NBEA: variants seen among roughly 807,000 people sequenced by gnomAD.
NBEA encodes neurobeachin.
In NBEA, 44 loss-of-function variants were observed where a neutral mutation model predicts 343.4. The ratio of observed to expected loss-of-function variants is 0.13; its 90% CI spans 0.10 to 0.16. The LOEUF is 0.16. NBEA is among the 10% of genes least tolerant of loss of function. NBEA has a pLI of 1.00. For synonymous variants in NBEA, 1,175 were observed against 1,238.7 expected (o/e 0.95, Z 1.08); for missense variants, 2,555 against 3,631.3 (o/e 0.70, Z 7.62).
At chr13:35,166,084 T>C (rs1367659534) in intron 24 of NBEA, among the ~76,000 whole-genome samples, 1 of 152,186 alleles carries the variant, frequency 6.6e-6, no homozygotes. Flanking sequence ...TTATAAATTA[T>C]CATTTGTTAT....
At chr13:35,282,520 G>A (rs377490740) in intron 34 of NBEA, among the ~76,000 whole-genome samples, 253 of 152,184 alleles carry the variant, frequency 1.7e-3, no homozygotes, top group Middle Eastern at 6.8e-3. Flanking sequence ...AGTGATACAG[G>A]AATAACAATT....
chr13:34,942,902 G>C lies in NBEA; in HGVS notation c.82G>C (p.Gly28Arg), dbSNP rs1439003926. The C allele has an allele frequency of 1.4e-6, 2 of 1,477,588 alleles. No individual in the cohort carries two copies. The highest frequency in any genetic ancestry group is 2.9e-5 in the African/African-American group (2 of 69,362). 91.5% of individuals were successfully genotyped at this position (1,477,588 alleles called of 1,614,324 possible). Residue 28 changes from glycine (G) to arginine (R), a missense_variant, in exon 1 of 59, where the codon GGC (glycine) becomes CGC (arginine). Coordinates refer to ENST00000379939, the MANE Select transcript of NBEA (RefSeq NM_001385012.1). ...GLIAVGAAGGGGGGSGGGGTG... is the reference protein window; with the variant it reads ...GLIAVGAAGGRGGGSGGGGTG... ...CATTGCCGTCGGGGCCGCTGGCGGA[G>C]GCGGCGGGGGCAGCGGTGGTGGCGG... is the stretch of plus-strand genomic sequence containing the variant.
At chr13:35,498,452 CACA>C (rs2076766503) in intron 41 of NBEA, among the ~76,000 whole-genome samples, 1 of 151,930 alleles carries the variant, frequency 6.6e-6, no homozygotes, top group Non-Finnish European at 1.5e-5. Flanking sequence ...GCTACTATAC[CACA>C]TGAGAGCATC....
rs757408774 is a variant in NBEA at position 35,649,814 on chromosome 13, C to T, written c.7930C>T (p.Leu2644Phe). The change falls in exon 52 of 59, where the codon CTC (leucine) becomes TTC (phenylalanine). Residue 2644 changes from leucine to phenylalanine, a missense_variant. Physicochemically the swap from Leu to Phe is conservative, Grantham distance 22 (BLOSUM62 0). Around this residue, in one of 21 missense-constraint regions of NBEA, gnomAD observed 61 missense variants for 132.1 expected, o/e 0.46. Transcript: ENST00000379939. ...AGTGGTGACAGTGACTTGCAGCCGACTCTTTGCAGTGAATAGATGGCACAA... is the reference window on the plus strand; with the variant it reads ...AGTGGTGACAGTGACTTGCAGCCGATTCTTTGCAGTGAATAGATGGCACAA... ...PAVVTVTCSR[L>F]FAVNRWHNTV... is the part of the protein sequence containing the mutation. 5 of 1,614,044 alleles carry T rather than the reference C, an allele frequency of 3.1e-6. No individual in the cohort carries two copies. The highest frequency in any genetic ancestry group is 4.2e-6 in the Non-Finnish European group (5 of 1,179,894).
intron 40 of NBEA, among the ~76,000 whole-genome samples, chr13:35,456,090 TG>T (rs2046568173): frequency 6.6e-6 from 1 of 152,086 alleles, no homozygotes; most frequent in African/African-American, 2.4e-5. Context: ...CAAATCAATC[TG>T]GTAAGTTAAA....
At chr13:35,074,843 A>C (rs2064043499) in intron 10 of NBEA, among the ~76,000 whole-genome samples, 1 of 152,124 alleles carries the variant, frequency 6.6e-6, no homozygotes, top group South Asian at 2.1e-4. Context: ...AAACGTACTA[A>C]TTATGAATCA....
At chr13:35,255,208 T>C (rs1171615963) in intron 34 of NBEA, among the ~76,000 whole-genome samples, 4 of 152,238 alleles carry the variant, frequency 2.6e-5, no homozygotes, top group Non-Finnish European at 4.4e-5. Context: ...TCACTAATTT[T>C]GGAATAAATA....
intron 38 of NBEA, among the ~76,000 whole-genome samples, chr13:35,414,983 GTGA>G (rs2043817440): frequency 6.6e-6 from 1 of 152,162 alleles, no homozygotes; most frequent in African/African-American, 2.4e-5. Flanking sequence ...CTGATGGCCA[GTGA>G]TGATGAGCAT....
At position 35,428,111 on chromosome 13, in the gene NBEA, G is replaced by T. The variant is rs189714566; in HGVS notation, c.6180-4158G>T. On this transcript the variant is annotated intron_variant, in intron 38 of 58. Coordinates refer to ENST00000379939, the MANE Select transcript of NBEA (RefSeq NM_001385012.1). ...TGAGGCAATGCCTCGCCCTGCTTTGGCTCGCACACGATCCGCTGCACCCAC... is the reference window on the plus strand; with the variant it reads ...TGAGGCAATGCCTCGCCCTGCTTTGTCTCGCACACGATCCGCTGCACCCAC... Among the ~76,000 whole-genome samples, 245 of 152,204 alleles carry T rather than the reference G, an allele frequency of 1.6e-3. 2 individuals are homozygous for T. Among genetic ancestry groups the T allele is most frequent in the Admixed American group, 4.1e-3 (62 of 15,296 alleles).
chr13:35,521,860 C>T (rs2077729707), intron 41 of NBEA, among the ~76,000 whole-genome samples: 1 of 152,116 alleles, frequency 6.6e-6, no homozygotes, highest in African/African-American at 2.4e-5. Flanking sequence ...TACATACATT[C>T]CAAAAAGTCT....
At position 35,107,316 on chromosome 13, in the gene NBEA, T is replaced by C. The variant is rs115180071; in HGVS notation, c.1681-1974T>C. The stretch of plus-strand genomic sequence containing the variant: ...AACTCAGCTATTTATTTAGATCATT[T>C]CCACCATCTTCTGTAAAATTTTCAT... On this transcript the variant is annotated intron_variant, in intron 11 of 58. Transcript: ENST00000379939. 9.0e-3 allele frequency among the ~76,000 whole-genome samples: 1,375 copies of C among 152,014 alleles called. 18 individuals carry two copies. The highest frequency in any genetic ancestry group is 0.031 in the African/African-American group (1,298 of 41,510).
At chr13:35,167,652 G>A (rs2070141744) in intron 24 of NBEA, among the ~76,000 whole-genome samples, 1 of 151,772 alleles carries the variant, frequency 6.6e-6, no homozygotes, top group South Asian at 2.1e-4. Flanking sequence ...AGACCTCTTA[G>A]TATGTAGTTT....
intron 1 of NBEA, among the ~76,000 whole-genome samples, chr13:34,977,577 G>A (rs1284019288): frequency 6.6e-6 from 1 of 152,138 alleles, no homozygotes; most frequent in African/African-American, 2.4e-5. Flanking sequence ...CCAAAATGCT[G>A]GGATTGCAGG....
At chr13:34,999,477 A>G (rs1350442433) in intron 1 of NBEA, among the ~76,000 whole-genome samples, 1 of 152,084 alleles carries the variant, frequency 6.6e-6, no homozygotes, top group Non-Finnish European at 1.5e-5. Flanking sequence ...GACATTCTCC[A>G]GGTATTTTGC....
intron 41 of NBEA, among the ~76,000 whole-genome samples, chr13:35,544,218 A>G (rs1424016911): frequency 6.6e-6 from 1 of 152,228 alleles, no homozygotes; most frequent in African/African-American, 2.4e-5. Context: ...GGGTTTGCCC[A>G]GCCTTCTGCA....
At chr13:35,457,013 T>G (rs528927429) in intron 40 of NBEA, among the ~76,000 whole-genome samples, 3 of 151,258 alleles carry the variant, frequency 2.0e-5, no homozygotes, top group African/African-American at 7.3e-5. Context: ...TAGATATAGA[T>G]ATATATGTTT....
intron 46 of NBEA, 42 bp from the exon 47 acceptor site, chr13:35,593,286 T>A: frequency 6.2e-7 from 1 of 1,606,018 alleles, no homozygotes. Context: ...AGGGCAGCTG[T>A]GTTTAGAGTG....
intron 36 of NBEA, among the ~76,000 whole-genome samples, chr13:35,326,906 G>T (rs1594229507): frequency 6.6e-6 from 1 of 152,072 alleles, no homozygotes; most frequent in Non-Finnish European, 1.5e-5. Context: ...CTAATATCCG[G>T]AATCTATAAA....
intron 38 of NBEA, among the ~76,000 whole-genome samples, chr13:35,423,932 C>T (rs2044471097): frequency 6.6e-6 from 1 of 152,138 alleles, no homozygotes; most frequent in Admixed American, 6.6e-5. Context: ...CGAGTTCACT[C>T]ATGATTTGGC....
Sources: gnomAD v4.1 joint callset for allele counts (sites outside exome capture counted in the v4.1 genomes callset) on GRCh38, gnomAD v4.1.1 for gene constraint, gnomAD v4.1.1 regional missense constraint, MANE v1.5 for transcripts, NCBI Gene and HGNC (gene_info 2026-07-23, HGNC 2026-07-21) for gene names.